The following NFIB variants were observed in gnomAD, a reference collection of about 807,000 sequenced individuals.
NFIB encodes nuclear factor 1 B-type.
In NFIB, 11 loss-of-function variants were observed where a neutral mutation model predicts 61.5. The ratio of observed to expected loss-of-function variants is 0.18; its 90% CI spans 0.11 to 0.30. NFIB has a LOEUF of 0.30. NFIB is among the 10% of genes least tolerant of loss of function. NFIB has a pLI of 1.00. For synonymous variants in NFIB, 260 were observed against 216.5 expected (o/e 1.20, Z -1.76); for missense variants, 471 against 608.9 (o/e 0.77, Z 2.38).
At chr9:14,118,467 G>A (rs2038452251) in intron 8 of NFIB, among the ~76,000 whole-genome samples, 1 of 152,028 alleles carries the variant, frequency 6.6e-6, no homozygotes, top group African/African-American at 2.4e-5. Context: ...CATTTGAAAA[G>A]AATAAAGGTG....
chr9:14,339,450 TC>T (rs973607645), intron 1 of NFIB, among the ~76,000 whole-genome samples: 2 of 152,150 alleles, frequency 1.3e-5, no homozygotes, highest in African/African-American at 4.8e-5. Flanking sequence ...CCCCGTTGTT[TC>T]CCCCTTAAAC....
At chr9:14,211,287 A>G (rs1385627870) in intron 2 of NFIB, among the ~76,000 whole-genome samples, 1 of 152,198 alleles carries the variant, frequency 6.6e-6, no homozygotes, top group East Asian at 1.9e-4. Flanking sequence ...ACTGCACTCA[A>G]AAAACATCCT....
the NFIB span, among the ~76,000 whole-genome samples, chr9:14,457,682 G>A: frequency 6.6e-6 from 1 of 151,920 alleles, no homozygotes; most frequent in Admixed American, 6.6e-5. Context: ...TGATAAAGGG[G>A]TTATCACCAC....
At chr9:14,419,698 T>C in the NFIB span, among the ~76,000 whole-genome samples, 1 of 152,186 alleles carries the variant, frequency 6.6e-6, no homozygotes, top group Non-Finnish European at 1.5e-5. Flanking sequence ...GGCTTTTCTT[T>C]TGCTTTCTTT....
At chr9:14,497,257 A>G in the NFIB span, among the ~76,000 whole-genome samples, 2 of 152,184 alleles carry the variant, frequency 1.3e-5, no homozygotes, top group Non-Finnish European at 2.9e-5. Flanking sequence ...AATGTCACCC[A>G]ATTACATTTT....
At chr9:14,213,344 C>T (rs193264964) in intron 2 of NFIB, among the ~76,000 whole-genome samples, 2 of 152,272 alleles carry the variant, frequency 1.3e-5, no homozygotes, top group African/African-American at 4.8e-5. Context: ...CCTTGTTAGT[C>T]ACATAAGGGA....
chr9:14,199,464 C>T (rs1396209226), intron 2 of NFIB, among the ~76,000 whole-genome samples: 2 of 152,236 alleles, frequency 1.3e-5, no homozygotes, highest in African/African-American at 2.4e-5. Context: ...CCCTAATCTA[C>T]TTAAACAGGA....
intron 1 of NFIB, among the ~76,000 whole-genome samples, chr9:14,354,897 CCTGTTGTGAACACTGTCA>C (rs2061157293): frequency 6.6e-6 from 1 of 151,372 alleles, no homozygotes; most frequent in African/African-American, 2.4e-5. Context: ...TAGCCCTTGT[CCTGTTGTGAACACTGTCA>C]CTATTCCTTG....
chr9:14,513,243 T>C, the NFIB span, among the ~76,000 whole-genome samples: 1 of 152,218 alleles, frequency 6.6e-6, no homozygotes, highest in East Asian at 1.9e-4. Context: ...TTCTGCTTTT[T>C]ATAAAAAAGA....
At chr9:14,465,572 TACACACAC>T in the NFIB span, among the ~76,000 whole-genome samples, 1,802 of 146,298 alleles carry the variant, frequency 0.012, 14 homozygotes, top group African/African-American at 0.026. Context: ...AATGACTTGT[TACACACAC>T]ACACACACAC....
chr9:14,197,593 G>C (rs1005243145), intron 2 of NFIB, among the ~76,000 whole-genome samples: 1 of 152,106 alleles, frequency 6.6e-6, no homozygotes, highest in African/African-American at 2.4e-5. Context: ...TTCAAGGGGA[G>C]GCAAAAAGGG....
chr9:14,222,806 A>AAAAAAAAAAAAG (rs1253170447), intron 2 of NFIB, among the ~76,000 whole-genome samples: 4 of 150,628 alleles, frequency 2.7e-5, no homozygotes, highest in South Asian at 2.1e-4. Flanking sequence ...AAAAAAAAAA[A>AAAAAAAAAAAAG]AAAGAAAGAA....
chr9:14,411,202 G>C, the NFIB span, among the ~76,000 whole-genome samples: 2 of 152,224 alleles, frequency 1.3e-5, no homozygotes, highest in African/African-American at 2.4e-5. Flanking sequence ...TTCCCACAAA[G>C]ACAAAAAGAA....
At chr9:14,097,875 C>CTTTTTTCT (rs1554630192) in intron 10 of NFIB, among the ~76,000 whole-genome samples, 61 of 110,874 alleles carry the variant, frequency 5.5e-4, no homozygotes, top group African/African-American at 2.0e-3. Flanking sequence ...TTTCTTTTTT[C>CTTTTTTCT]TTTTTTTTTT....
chr9:14,290,586 G>A (rs970184069), intron 2 of NFIB, among the ~76,000 whole-genome samples: 10 of 152,028 alleles, frequency 6.6e-5, no homozygotes. Flanking sequence ...CTCACAGCAA[G>A]ATTCCAGAAT....
intron 7 of NFIB, among the ~76,000 whole-genome samples, chr9:14,123,289 A>C (rs1380821529): frequency 6.6e-6 from 1 of 152,014 alleles, no homozygotes; most frequent in Non-Finnish European, 1.5e-5. Context: ...AAATAAGAAA[A>C]GTAAAATACA....
Position 14,307,722 on chromosome 9 carries a change from C to A in NFIB, c.31-202G>T, listed in dbSNP as rs368610634. ...AGTATGCCCAGCTGTCCCCTTTCCA[C>A]CAAAATTCACAGGTCAATTCTCCCT... On this transcript the variant is annotated intron_variant, in intron 1 of 10. Transcript: ENST00000380953. This position sits in a 1 kb window ranked among gnomAD's most constrained non-coding sequence, Gnocchi z 5.3. Among the ~76,000 whole-genome samples the A allele has an allele frequency of 7.9e-5, 12 of 152,262 alleles. No homozygotes were observed. In the South Asian group the frequency reaches 2.5e-3, roughly 32 times the overall value.
the NFIB span, among the ~76,000 whole-genome samples, chr9:14,453,735 A>G: frequency 1.3e-5 from 2 of 152,206 alleles, no homozygotes; most frequent in Non-Finnish European, 2.9e-5. Context: ...CCCTTGCTCC[A>G]TAATTACTGC....
At chr9:14,404,281 C>T in the NFIB span, among the ~76,000 whole-genome samples, 14 of 152,076 alleles carry the variant, frequency 9.2e-5, no homozygotes, top group Non-Finnish European at 2.1e-4. Flanking sequence ...TCTACCACCC[C>T]GAGGATTCTT....
Sources: allele counts gnomAD v4.1 joint callset (sites outside exome capture counted in the v4.1 genomes callset), GRCh38; gene constraint gnomAD v4.1.1; non-coding constraint Gnocchi (gnomAD v3.1); transcripts MANE v1.5; gene names NCBI Gene and HGNC (gene_info 2026-07-23, HGNC 2026-07-21).